The following R3HDM1 variants were observed in gnomAD, a reference collection of about 807,000 sequenced individuals.
The protein encoded by R3HDM1 is R3H domain-containing protein 1.
In R3HDM1, 46 loss-of-function variants were observed where a neutral mutation model predicts 141.1. The observed-to-expected ratio is 0.33, with a 90% CI of 0.26 to 0.42. The LOEUF (loss-of-function observed/expected upper bound fraction) is 0.42, where lower values mean the gene tolerates loss of function less well. Ranked by LOEUF, R3HDM1 falls within the 10% of genes least tolerant of loss-of-function variation. The pLI is 1.00. For missense variants in R3HDM1, 1,184 were observed against 1,368.3 expected (o/e 0.87, Z 2.12); for synonymous variants, 435 against 472.9 (o/e 0.92, Z 1.04).
intron 23 of R3HDM1, among the ~76,000 whole-genome samples, chr2:135,713,407 C>G (rs1220902517): frequency 6.6e-6 from 1 of 152,166 alleles, no homozygotes; most frequent in Non-Finnish European, 1.5e-5. Context: ...TAAATTGGTA[C>G]AGCTCTTTGG....
chr2:135,558,191 A>T (rs1344213918), intron 1 of R3HDM1, among the ~76,000 whole-genome samples: 1 of 152,232 alleles, frequency 6.6e-6, no homozygotes, highest in Non-Finnish European at 1.5e-5. Flanking sequence ...GTATACAGTG[A>T]TGGAATTGTT....
intron 21 of R3HDM1, among the ~76,000 whole-genome samples, chr2:135,708,425 T>G (rs571652041): frequency 6.6e-6 from 1 of 152,358 alleles, no homozygotes; most frequent in South Asian, 2.1e-4. Context: ...GTATAAAGTT[T>G]AATGCAATTA....
chr2:135,699,177 A>G (rs180792225), intron 21 of R3HDM1, among the ~76,000 whole-genome samples: 2 of 152,078 alleles, frequency 1.3e-5, no homozygotes. Flanking sequence ...ACTTTAGGAG[A>G]AAAAAAGCTA....
intron 1 of R3HDM1, among the ~76,000 whole-genome samples, chr2:135,563,979 A>C (rs766898408): frequency 6.6e-6 from 1 of 152,130 alleles, no homozygotes; most frequent in East Asian, 1.9e-4. Flanking sequence ...GGAGCAAGAG[A>C]GAGTGGGGAG....
intron 19 of R3HDM1, among the ~76,000 whole-genome samples, chr2:135,661,822 A>G (rs1379692030): frequency 6.6e-6 from 1 of 152,192 alleles, no homozygotes; most frequent in East Asian, 1.9e-4. Flanking sequence ...TGATATTTTG[A>G]TCTCTTAGTA....
At chr2:135,647,097 AGTTAT>A (rs2064542301) in intron 16 of R3HDM1, among the ~76,000 whole-genome samples, 1 of 152,190 alleles carries the variant, frequency 6.6e-6, no homozygotes, top group Non-Finnish European at 1.5e-5. Context: ...AGAACTTACA[AGTTAT>A]GGATATACTT....
At chr2:135,639,227 T>C in intron 14 of R3HDM1, 105 bp downstream of exon 14, 1 of 1,128,104 alleles carries the variant, frequency 8.9e-7, no homozygotes, top group East Asian at 2.5e-5. Flanking sequence ...AAATATAAAA[T>C]CACTATCAAT....
chr2:135,659,749 C>T (rs1025564435), intron 18 of R3HDM1, among the ~76,000 whole-genome samples: 1 of 152,180 alleles, frequency 6.6e-6, no homozygotes, highest in Non-Finnish European at 1.5e-5. Context: ...AGAAGGACTA[C>T]ATTCTGAAAT....
intron 5 of R3HDM1, chr2:135,620,342 G>C (rs552276294): frequency 3.5e-6 from 3 of 866,326 alleles, no homozygotes; most frequent in Non-Finnish European, 4.2e-6. Context: ...TATGAAAAGC[G>C]TAAAGAAAGT....
chr2:135,692,635 G>A (rs2072610685), intron 21 of R3HDM1, among the ~76,000 whole-genome samples: 1 of 152,000 alleles, frequency 6.6e-6, no homozygotes. Flanking sequence ...TTTCCATAGA[G>A]CATCTGAATT....
At chr2:135,609,615 C>T (rs2060357058) in intron 3 of R3HDM1, among the ~76,000 whole-genome samples, 1 of 152,174 alleles carries the variant, frequency 6.6e-6, no homozygotes, top group South Asian at 2.1e-4. Context: ...TTTTGTTAGA[C>T]TATGAGTATC....
rs767036935 is a variant in R3HDM1 at position 135,621,478 on chromosome 2, C to T, written c.304-16C>T. ...TATTGTATTTTCATTGAATAATTGA[C>T]TTTGCCTTCCAACAGGAGAAAATTC... is the stretch of plus-strand genomic sequence containing the variant. On this transcript the variant is annotated splice_polypyrimidine_tract_variant and intron_variant, in intron 5 of 26. Transcript: ENST00000683871. The T allele has an allele frequency of 2.0e-6, 3 of 1,474,792 alleles. No individual in the cohort carries two copies. The highest frequency in any genetic ancestry group is 2.8e-6 in the Non-Finnish European group (3 of 1,083,206). The allele number at this position is 1,474,792 out of a possible 1,614,324, so 91.4% of individuals were successfully genotyped here.
chr2:135,722,953 G>A (rs1464625727), intron 26 of R3HDM1, among the ~76,000 whole-genome samples: 2 of 152,122 alleles, frequency 1.3e-5, no homozygotes, highest in Non-Finnish European at 2.9e-5. Flanking sequence ...CAGCAGCCTT[G>A]TGGTGTGGTT....
intron 21 of R3HDM1, among the ~76,000 whole-genome samples, chr2:135,691,252 A>G (rs1193677608): frequency 6.6e-6 from 1 of 152,226 alleles, no homozygotes; most frequent in Non-Finnish European, 1.5e-5. Flanking sequence ...GCATACATAT[A>G]TATGAACTAT....
chr2:135,640,666 G>C lies in R3HDM1; in HGVS notation c.1220-870G>C, dbSNP rs368268222. Among the ~76,000 whole-genome samples, 11 of 152,256 alleles carry C rather than the reference G, an allele frequency of 7.2e-5. No homozygotes were observed. In the East Asian group the frequency reaches 1.9e-3, roughly 27 times the overall value. The stretch of plus-strand genomic sequence containing the variant: ...AAGGCAATCTGTATAGTGTATCATA[G>C]TTGTTTCATTCATTAAAGATTAATT... On this transcript the variant is annotated intron_variant, in intron 14 of 26. Coordinates refer to ENST00000683871, the MANE Select transcript of R3HDM1 (RefSeq NM_001378107.1).
intron 1 of R3HDM1, chr2:135,533,955 T>C (rs1574321861): frequency 1.0e-6 from 1 of 973,004 alleles, no homozygotes; most frequent in South Asian, 4.8e-5. Context: ...GCAATAAATA[T>C]TAACTGTTAT....
chr2:135,557,275 T>C (rs1700961464), intron 1 of R3HDM1, among the ~76,000 whole-genome samples: 1 of 152,194 alleles, frequency 6.6e-6, no homozygotes, highest in African/African-American at 2.4e-5. Context: ...ACTTTTTTTT[T>C]CCTTTTTACT....
chr2:135,602,257 C>G (rs539061980), intron 1 of R3HDM1, among the ~76,000 whole-genome samples: 1 of 152,042 alleles, frequency 6.6e-6, no homozygotes, highest in Non-Finnish European at 1.5e-5. Context: ...CAGTACATAT[C>G]ATTTTCTTTC....
intron 9 of R3HDM1, among the ~76,000 whole-genome samples, chr2:135,633,124 G>A (rs2062882692): frequency 6.6e-6 from 1 of 152,066 alleles, no homozygotes; most frequent in Non-Finnish European, 1.5e-5. Context: ...TTCTTATAGG[G>A]ATTAAATGTT....
Sources: allele counts gnomAD v4.1 joint callset (sites outside exome capture counted in the v4.1 genomes callset), GRCh38; gene constraint gnomAD v4.1.1; transcripts MANE v1.5; gene names NCBI Gene and HGNC (gene_info 2026-07-23, HGNC 2026-07-21).